SCN4B: variants seen among roughly 807,000 people sequenced by gnomAD.
SCN4B encodes sodium voltage-gated channel beta subunit 4.
SCN4B carries 20 observed loss-of-function variants against 19.6 expected under a neutral mutation model. The ratio of observed to expected loss-of-function variants is 1.02; its 90% CI spans 0.72 to 1.48. The LOEUF is 1.48. Among genes scored for constraint, SCN4B ranks in the 40% most tolerant of loss-of-function variants. SCN4B has a pLI of 0.00. For synonymous variants in SCN4B, 127 were observed against 122.8 expected (o/e 1.03, Z -0.22); for missense variants, 271 against 287.5 (o/e 0.94, Z 0.42).
chr11:118,151,523 A>T (rs1004269442), intron 1 of SCN4B, among the ~76,000 whole-genome samples: 2 of 152,204 alleles, frequency 1.3e-5, no homozygotes, highest in Non-Finnish European at 2.9e-5. Flanking sequence ...AGGTAAATAA[A>T]CATCCCAAGT....
Position 118,148,822 on chromosome 11 carries a change from C to A in SCN4B, c.62-3593G>T, listed in dbSNP as rs550082628. ...GCTTATTTCCATGTGGCCATTTCCC[C>A]GGAGTAAAGAAAGCCTTGCTTTGCT... On this transcript the variant is annotated intron_variant, in intron 1 of 4. Coordinates refer to ENST00000324727, the MANE Select transcript of SCN4B (RefSeq NM_174934.4). This position sits in a 1 kb window ranked among gnomAD's most constrained non-coding sequence, Gnocchi z 4.0. 6.6e-6 allele frequency among the ~76,000 whole-genome samples: 1 copy of A among 152,152 alleles called. No homozygotes were observed. The highest frequency in any genetic ancestry group is 1.5e-5 in the Non-Finnish European group (1 of 68,032).
In SCN4B at chr11:118,134,785, G is replaced by A. The variant is rs773587298; in HGVS notation, c.*2242C>T. 2 of 453,958 alleles carry A rather than the reference G, an allele frequency of 4.4e-6. No individual in the cohort carries two copies. The highest frequency in any genetic ancestry group is 2.0e-5 in the African/African-American group (1 of 49,982). The allele number at this position is 453,958 out of a possible 1,614,324, so 28.1% of individuals were successfully genotyped here. ...GAACTATCCCTGCAATTAATACCTG[G>A]CTTCCCAGATCCCTTTCCAAGCCAA... On this transcript the variant is annotated 3_prime_UTR_variant, in exon 5 of 5. Coordinates refer to ENST00000324727, the MANE Select transcript of SCN4B (RefSeq NM_174934.4).
chr11:118,146,467 G>T (rs1424823664), intron 1 of SCN4B, among the ~76,000 whole-genome samples: 1 of 152,140 alleles, frequency 6.6e-6, no homozygotes, highest in Non-Finnish European at 1.5e-5. Context: ...CTCTCAGGAA[G>T]GCCCTCTGTT....
chr11:118,138,784 C>T (rs114072585), intron 4 of SCN4B, among the ~76,000 whole-genome samples: 13 of 152,204 alleles, frequency 8.5e-5, no homozygotes, highest in African/African-American at 3.1e-4. Context: ...CTTAAACTTC[C>T]AAGCTTCTTT....
At chr11:118,141,891 G>A (rs999726179) in intron 3 of SCN4B, 28 of 160,772 alleles carry the variant, frequency 1.7e-4, no homozygotes, top group Non-Finnish European at 5.5e-5. Context: ...GACTGCTTCC[G>A]GAACCTGCTC....
At chr11:118,141,928 G>A (rs990930316) in intron 3 of SCN4B, 3 of 156,320 alleles carry the variant, frequency 1.9e-5, no homozygotes, top group Non-Finnish European at 4.3e-5. Context: ...CCTCTCCACT[G>A]AGAACAACTT....
chr11:118,151,250 A>T (rs1298777099), intron 1 of SCN4B, among the ~76,000 whole-genome samples: 2 of 152,202 alleles, frequency 1.3e-5, no homozygotes, highest in Non-Finnish European at 2.9e-5. Flanking sequence ...AAGGTAAGCC[A>T]GAGGTGTGAA....
intron 1 of SCN4B, among the ~76,000 whole-genome samples, chr11:118,146,451 A>AC (rs1467851954): frequency 1.3e-5 from 2 of 152,102 alleles, no homozygotes; most frequent in Admixed American, 6.5e-5. Context: ...GCACCTTCCA[A>AC]CCCCACTCTC....
intron 4 of SCN4B, among the ~76,000 whole-genome samples, chr11:118,140,704 C>T (rs893811199): frequency 5.9e-5 from 9 of 152,190 alleles, no homozygotes; most frequent in African/African-American, 1.9e-4. Context: ...CCTAGGGCTC[C>T]CTGGGAGGCC....
chr11:118,147,509 C>T (rs1201907897), intron 1 of SCN4B, among the ~76,000 whole-genome samples: 6 of 152,156 alleles, frequency 3.9e-5, no homozygotes, highest in African/African-American at 1.4e-4. Context: ...ACCACACTCT[C>T]CAAGAAAAAC....
intron 1 of SCN4B, among the ~76,000 whole-genome samples, chr11:118,146,208 C>T (rs1948173177): frequency 6.6e-6 from 1 of 152,204 alleles, no homozygotes; most frequent in Non-Finnish European, 1.5e-5. Context: ...CCCAGCACTC[C>T]GATGCGGCCC....
chr11:118,135,730 T>C lies in SCN4B; in HGVS notation c.*1297A>G. On this transcript the variant is annotated 3_prime_UTR_variant, in exon 5 of 5. Coordinates refer to ENST00000324727, the MANE Select transcript of SCN4B (RefSeq NM_174934.4). ...AGCACCACACCAGACTCTGCTGTTATGTCAGGACATACCGTCTAGAGAGGA... is the reference window on the plus strand; with the variant it reads ...AGCACCACACCAGACTCTGCTGTTACGTCAGGACATACCGTCTAGAGAGGA... 1 of 454,472 alleles carries C rather than the reference T, an allele frequency of 2.2e-6. No homozygotes were observed. Among genetic ancestry groups the C allele is most frequent in the Non-Finnish European group, 4.4e-6 (1 of 226,776 alleles). 28.2% of individuals were successfully genotyped at this position (454,472 alleles called of 1,614,324 possible).
chr11:118,141,592 C>G, intron 3 of SCN4B: 1 of 566,244 alleles, frequency 1.8e-6, no homozygotes, highest in African/African-American at 1.9e-5. Context: ...GATGCACTCA[C>G]ACGAGTTCTG....
chr11:118,145,650 A>T (rs971893265), intron 1 of SCN4B: 2 of 358,704 alleles, frequency 5.6e-6, no homozygotes, highest in Admixed American at 7.9e-5. Flanking sequence ...CTAGGACAGT[A>T]CGCGCCTCTC....
At chr11:118,149,555 C>G (rs1268412144) in intron 1 of SCN4B, among the ~76,000 whole-genome samples, 20 of 152,194 alleles carry the variant, frequency 1.3e-4, no homozygotes, top group Admixed American at 1.3e-3. Flanking sequence ...TCAGCTTTCT[C>G]TCCCTAGGCA....
At chr11:118,150,193 C>A (rs1174047290) in intron 1 of SCN4B, among the ~76,000 whole-genome samples, 1 of 152,138 alleles carries the variant, frequency 6.6e-6, no homozygotes, top group African/African-American at 2.4e-5. Context: ...AAGGAGTGGG[C>A]AGGACAGAGA....
At chr11:118,152,136 G>A (rs1948239054) in intron 1 of SCN4B, among the ~76,000 whole-genome samples, 2 of 152,204 alleles carry the variant, frequency 1.3e-5, no homozygotes, top group Admixed American at 1.3e-4. Flanking sequence ...AAAGGGCCCA[G>A]GAAGAAGGGG....
Position 118,145,062 on chromosome 11 carries a change from T to C in SCN4B, c.229A>G (p.Lys77Glu). 6.2e-7 allele frequency: 1 copy of C among 1,614,002 alleles called. No homozygotes were observed. The highest frequency in any genetic ancestry group is 8.5e-7 in the Non-Finnish European group (1 of 1,179,948). ...TTCTTCCTCCAAATACTTACAATCT[T>C]GAATGCGTCACTGCTGTTGTAGGTC... ...RWTYNSSDAF[K>E]ILIEGTVKNE... is the part of the protein sequence containing the mutation. Residue 77 changes from lysine to glutamate, a missense_variant, in exon 2 of 5, where the codon AAG (lysine) becomes GAG (glutamate). Physicochemically the swap from Lys to Glu is moderately conservative, Grantham distance 56. Coordinates refer to ENST00000324727, the MANE Select transcript of SCN4B (RefSeq NM_174934.4).
At chr11:118,143,206 T>C (rs1159413122) in intron 3 of SCN4B, among the ~76,000 whole-genome samples, 1 of 152,244 alleles carries the variant, frequency 6.6e-6, no homozygotes. Flanking sequence ...AGGGACCACC[T>C]GGCTCCTTTT....
Sources: gnomAD v4.1 joint callset for allele counts (sites outside exome capture counted in the v4.1 genomes callset) on GRCh38, gnomAD v4.1.1 for gene constraint, Gnocchi (gnomAD v3.1) non-coding constraint, MANE v1.5 for transcripts, NCBI Gene and HGNC (gene_info 2026-07-23, HGNC 2026-07-21) for gene names.